Variants in FER observed in about 807,000 individuals in gnomAD.
FER encodes tyrosine-protein kinase Fer.
In FER, 63 loss-of-function variants were observed where a neutral mutation model predicts 111.0. The observed-to-expected ratio is 0.57, with a 90% CI of 0.46 to 0.70. The LOEUF is 0.70. Ranked by LOEUF, FER falls within the 30% of genes least tolerant of loss-of-function variation. FER has a pLI of 0.00. For missense variants in FER, 914 were observed against 954.0 expected, an observed-to-expected ratio of 0.96 and a Z score of 0.55; for synonymous variants, 327 against 313.9, an observed-to-expected ratio of 1.04 and a Z score of -0.44.
intron 13 of FER, among the ~76,000 whole-genome samples, chr5:109,028,942 A>T (rs138799439): frequency 1.3e-5 from 2 of 152,342 alleles, no homozygotes; most frequent in African/African-American, 4.8e-5. Flanking sequence ...ACCAGGCACC[A>T]TGTGCATAGA....
chr5:109,122,515 T>C (rs947937477), intron 17 of FER, among the ~76,000 whole-genome samples: 2 of 125,900 alleles, frequency 1.6e-5, no homozygotes, highest in East Asian at 4.0e-4. Flanking sequence ...ATGATCCATG[T>C]GCTGAGAAAA....
chr5:108,902,244 A>G (rs771439934), intron 10 of FER, among the ~76,000 whole-genome samples: 16 of 152,246 alleles, frequency 1.1e-4, no homozygotes, highest in Non-Finnish European at 1.0e-4. Context: ...CTTTGAGACC[A>G]TTATAATTAC....
chr5:109,016,534 C>T (rs987807914), intron 13 of FER, among the ~76,000 whole-genome samples: 1 of 152,006 alleles, frequency 6.6e-6, no homozygotes, highest in African/African-American at 2.4e-5. Context: ...CACTTGTGTA[C>T]TTTTTTGTGT....
At chr5:109,114,466 G>A (rs1749996154) in intron 17 of FER, among the ~76,000 whole-genome samples, 1 of 151,878 alleles carries the variant, frequency 6.6e-6, no homozygotes, top group Non-Finnish European at 1.5e-5. Context: ...CTATAATCAT[G>A]CAGGGTTTTA....
intron 17 of FER, among the ~76,000 whole-genome samples, chr5:109,166,714 C>T (rs538025761): frequency 1.3e-5 from 2 of 152,298 alleles, no homozygotes; most frequent in East Asian, 1.9e-4. Context: ...TTTGTAGCTT[C>T]AGTCATTGGT....
chr5:109,111,381 T>C (rs748897990), intron 17 of FER, among the ~76,000 whole-genome samples: 1 of 152,116 alleles, frequency 6.6e-6, no homozygotes, highest in Non-Finnish European at 1.5e-5. Context: ...CTATTATGTT[T>C]GGTATAAAAA....
chr5:108,937,549 A>T (rs574243593), intron 10 of FER, among the ~76,000 whole-genome samples: 6 of 151,958 alleles, frequency 3.9e-5, no homozygotes, highest in Non-Finnish European at 7.4e-5. Flanking sequence ...AGAAACCTGG[A>T]ATCAGTAGAG....
chr5:109,095,129 A>G (rs1482051448), intron 16 of FER, among the ~76,000 whole-genome samples: 1 of 152,158 alleles, frequency 6.6e-6, no homozygotes, highest in Non-Finnish European at 1.5e-5. Flanking sequence ...GAACATGACC[A>G]TCGATGAACC....
At chr5:109,102,017 A>G (rs1748290144) in intron 17 of FER, among the ~76,000 whole-genome samples, 1 of 152,060 alleles carries the variant, frequency 6.6e-6, no homozygotes, top group Non-Finnish European at 1.5e-5. Context: ...TTTCTGGGAC[A>G]TTGCATTTGA....
At chr5:108,845,067 TACAC>T (rs61156019) in intron 5 of FER, among the ~76,000 whole-genome samples, 41 of 53,864 alleles carry the variant, frequency 7.6e-4, no homozygotes, top group African/African-American at 1.3e-3. Flanking sequence ...TATATATATA[TACAC>T]ACACACACAC....
At chr5:109,031,453 A>G (rs1769602006) in intron 13 of FER, among the ~76,000 whole-genome samples, 1 of 152,144 alleles carries the variant, frequency 6.6e-6, no homozygotes, top group African/African-American at 2.4e-5. Flanking sequence ...GATAATATAC[A>G]TTCTATATTT....
At chr5:108,966,394 T>C (rs866339489) in intron 13 of FER, among the ~76,000 whole-genome samples, 1 of 150,100 alleles carries the variant, frequency 6.7e-6, no homozygotes, top group Non-Finnish European at 1.5e-5. Flanking sequence ...TTTTCTTTTT[T>C]TTTTTTTTTT....
intron 2 of FER, among the ~76,000 whole-genome samples, chr5:108,776,782 C>G (rs1753546610): frequency 6.6e-6 from 1 of 152,104 alleles, no homozygotes; most frequent in African/African-American, 2.4e-5. Flanking sequence ...CATGTAAGCA[C>G]TCACTTAATC....
intron 16 of FER, chr5:109,051,469 T>C: frequency 1.9e-6 from 3 of 1,613,110 alleles, no homozygotes; most frequent in Non-Finnish European, 2.5e-6. Flanking sequence ...AGGCTGTGCG[T>C]GGGAGTTAGA....
intron 13 of FER, among the ~76,000 whole-genome samples, chr5:108,993,749 A>G (rs1763638803): frequency 6.6e-6 from 1 of 152,168 alleles, no homozygotes; most frequent in African/African-American, 2.4e-5. Flanking sequence ...TCCCACCAAC[A>G]GTGTAAAAGC....
intron 9 of FER, among the ~76,000 whole-genome samples, chr5:108,886,496 A>T (rs1230212107): frequency 6.6e-6 from 1 of 150,802 alleles, no homozygotes; most frequent in Non-Finnish European, 1.5e-5. Flanking sequence ...AACTCATTGA[A>T]TGTTATCTTT....
intron 5 of FER, among the ~76,000 whole-genome samples, chr5:108,846,864 T>C (rs6870934): frequency 0.019 from 2,957 of 152,268 alleles, 97 homozygotes; most frequent in African/African-American, 0.068. Context: ...ATTTATAGAA[T>C]GTGTAGTGAC....
chr5:109,096,542 A>T (rs969256077), intron 16 of FER, among the ~76,000 whole-genome samples: 2 of 151,946 alleles, frequency 1.3e-5, no homozygotes, highest in African/African-American at 2.4e-5. Flanking sequence ...AAGGCTGCCA[A>T]TCTTCACGAT....
At chr5:108,866,782 A>C (rs527666970) in intron 5 of FER, among the ~76,000 whole-genome samples, 1 of 152,160 alleles carries the variant, frequency 6.6e-6, no homozygotes, top group Admixed American at 6.6e-5. Context: ...TTATTTTCTG[A>C]GTCTACAATG....
Sources: allele counts gnomAD v4.1 joint callset (sites outside exome capture counted in the v4.1 genomes callset), GRCh38; gene constraint gnomAD v4.1.1; transcripts MANE v1.5; gene names NCBI Gene and HGNC (gene_info 2026-07-23, HGNC 2026-07-21).